Variants in BLMH observed in about 807,000 individuals in gnomAD.
The protein encoded by BLMH is BLM hydrolase.
In BLMH, 32 loss-of-function variants were observed where a neutral mutation model predicts 61.6. The ratio of observed to expected loss-of-function variants is 0.52; its 90% CI spans 0.39 to 0.70. The LOEUF is 0.70. BLMH is among the 30% of genes least tolerant of loss of function. The pLI is 0.00. For synonymous variants in BLMH, 183 were observed against 193.8 expected, an observed-to-expected ratio of 0.94 and a Z score of 0.46; for missense variants, 460 against 555.5, an observed-to-expected ratio of 0.83 and a Z score of 1.73.
At chr17:30,254,961 T>C (rs1484514788) in intron 11 of BLMH, among the ~76,000 whole-genome samples, 1 of 152,244 alleles carries the variant, frequency 6.6e-6, no homozygotes, top group Non-Finnish European at 1.5e-5. Flanking sequence ...TTACTGATAA[T>C]GAAATACATC....
At chr17:30,284,444 G>A (rs956650626) in intron 6 of BLMH, among the ~76,000 whole-genome samples, 1 of 152,138 alleles carries the variant, frequency 6.6e-6, no homozygotes, top group African/African-American at 2.4e-5. Flanking sequence ...TTCCATCGCA[G>A]TGAAAAAAAG....
Position 30,291,459 on chromosome 17 carries a change from G to A in BLMH, c.63C>T (p.Asp21=), listed in dbSNP as rs780308704. The A allele has an allele frequency of 3.7e-6, 6 of 1,614,112 alleles. No homozygotes were observed. In the African/African-American group the frequency reaches 6.7e-5, roughly 18 times the overall value. The change falls in exon 2 of 12, where the codon GAC becomes GAT. Residue 21 remains aspartate (D), a synonymous_variant. Coordinates refer to ENST00000261714, the MANE Select transcript of BLMH (RefSeq NM_000386.4). ...CATTCTGGGCAAGTACGAACTGGGG[G>A]TCGGAATTCAGTTTCTGTATCAGAG... ...VAALIQKLNS[D]PQFVLAQNVG...
At chr17:30,283,607 T>C (rs571942915) in intron 6 of BLMH, among the ~76,000 whole-genome samples, 26 of 150,372 alleles carry the variant, frequency 1.7e-4, no homozygotes, top group Non-Finnish European at 2.4e-4. Flanking sequence ...CTGCAAGCTC[T>C]GCCTCCTGGG....
At chr17:30,285,327 G>A (rs1908696315) in intron 6 of BLMH, 61 bp downstream of exon 6, 7 of 1,157,132 alleles carry the variant, frequency 6.0e-6, no homozygotes, top group Non-Finnish European at 8.8e-6. Context: ...TACTTTAACA[G>A]ATGGGAATAT....
rs192172664 is a variant in BLMH, at chr17:30,254,887, A to G, written c.1217-5719T>C. Among the ~76,000 whole-genome samples, 12 of 152,342 alleles carry G rather than the reference A, an allele frequency of 7.9e-5. No individual in the cohort carries two copies. The East Asian group carries it at 2.3e-3, about 29-fold the overall frequency. On this transcript the variant is annotated intron_variant, in intron 11 of 11. Coordinates refer to ENST00000261714, the MANE Select transcript of BLMH (RefSeq NM_000386.4). ...CCCTTTAATTTCATAAAAATGAGAC[A>G]TCATACATGGTGGTCTTGTATTACA...
chr17:30,290,603 GGTC>G (rs1438974899), intron 2 of BLMH, among the ~76,000 whole-genome samples: 1 of 152,150 alleles, frequency 6.6e-6, no homozygotes, highest in Non-Finnish European at 1.5e-5. Context: ...TAGACTGGGG[GGTC>G]GTTTTTAAGT....
Position 30,291,813 on chromosome 17 carries a change from T to C in BLMH, c.7A>G (p.Ser3Gly), listed in dbSNP as rs1908902740. Residue 3 changes from serine (S) to glycine (G), a missense_variant, in exon 1 of 12, where the codon AGC (serine) becomes GGC (glycine). Transcript: ENST00000261714. Reference protein sequence around the residue: MSSSGLNSEKVAA... With the variant: MSGSGLNSEKVAA... ...GGGGACGGCGGCACCTCACCCGAGC[T>C]GCTCATGGCGCCCACGCTGCCCGGC... The C allele has an allele frequency of 1.5e-6, 2 of 1,373,928 alleles. No individual in the cohort carries two copies. The highest frequency in any genetic ancestry group is 1.9e-6 in the Non-Finnish European group (2 of 1,068,186). The allele number at this position is 1,373,928 out of a possible 1,614,324, so 85.1% of individuals were successfully genotyped here. A position where few individuals can be genotyped will look rare whatever the true frequency, so the allele number is the denominator to read the frequency against.
rs1009826214 is a variant in BLMH at position 30,252,997 on chromosome 17, G to A, written c.1217-3829C>T. ...AACTAAAATACTGCATCCTAAGTGA[G>A]TGCTTCCTGAAAAACTAAGCATCTG... On this transcript the variant is annotated intron_variant, in intron 11 of 11. Coordinates refer to ENST00000261714, the MANE Select transcript of BLMH (RefSeq NM_000386.4). Among the ~76,000 whole-genome samples, 2 of 152,202 alleles carry A rather than the reference G, an allele frequency of 1.3e-5. 1 individual carries two copies. The highest frequency in any genetic ancestry group is 4.1e-4 in the South Asian group (2 of 4,830).
chr17:30,259,317 A>G (rs1415301616), intron 11 of BLMH, among the ~76,000 whole-genome samples: 1 of 152,096 alleles, frequency 6.6e-6, no homozygotes, highest in African/African-American at 2.4e-5. Context: ...CCCCTCCTGA[A>G]GTTTCCAAAA....
chr17:30,276,140 AAAC>A (rs973572954), intron 6 of BLMH, among the ~76,000 whole-genome samples: 10 of 128,140 alleles, frequency 7.8e-5, no homozygotes, highest in African/African-American at 2.1e-4. Flanking sequence ...ATGCTGTCAA[AAAC>A]AACAACAACA....
intron 6 of BLMH, among the ~76,000 whole-genome samples, chr17:30,282,734 T>C (rs890087360): frequency 1.3e-5 from 2 of 152,220 alleles, no homozygotes; most frequent in African/African-American, 4.8e-5. Context: ...TAAGCCATCA[T>C]TTTGACTTGC....
intron 7 of BLMH, chr17:30,273,744 C>A (rs1908343970): frequency 5.1e-6 from 2 of 393,412 alleles, no homozygotes; most frequent in Admixed American, 9.1e-5. Context: ...AACACACTTT[C>A]ATTGTTTTGC....
At chr17:30,256,518 C>T (rs1273497395) in intron 11 of BLMH, among the ~76,000 whole-genome samples, 7 of 151,788 alleles carry the variant, frequency 4.6e-5, no homozygotes, top group Non-Finnish European at 7.4e-5. Flanking sequence ...TTAGTGGAGA[C>T]GGGGTTTCGC....
intron 10 of BLMH, among the ~76,000 whole-genome samples, chr17:30,270,896 G>T (rs980647345): frequency 7.9e-5 from 12 of 152,200 alleles, no homozygotes; most frequent in Admixed American, 7.9e-4. Flanking sequence ...AATGACAAAT[G>T]AAGGGAAATC....
rs978088535 is a variant in BLMH at position 30,287,796 on chromosome 17, G to C, written c.463+10C>G. On this transcript the variant is annotated intron_variant, in intron 4 of 11. Coordinates refer to ENST00000261714, the MANE Select transcript of BLMH (RefSeq NM_000386.4). ...CTGAGTTTCAGTTCCATTAAAGAAA[G>C]AACTTTTACCAACAATATTAACAAG... 6.2e-7 allele frequency: 1 copy of C among 1,613,172 alleles called. No individual in the cohort carries two copies. The highest frequency in any genetic ancestry group is 8.5e-7 in the Non-Finnish European group (1 of 1,179,684).
At chr17:30,264,523 A>G (rs1410799732) in intron 11 of BLMH, among the ~76,000 whole-genome samples, 2 of 152,214 alleles carry the variant, frequency 1.3e-5, no homozygotes, top group Non-Finnish European at 2.9e-5. Context: ...CAAAATAATA[A>G]AGACATTAAC....
intron 1 of BLMH, 141 bp downstream of exon 1, chr17:30,291,666 T>C (rs1908895412): frequency 2.0e-5 from 27 of 1,364,922 alleles, no homozygotes; most frequent in Non-Finnish European, 2.6e-5. Context: ...GCTGTCTCCC[T>C]CCAGGCCGAT....
intron 2 of BLMH, chr17:30,291,070 T>C: frequency 1.8e-6 from 1 of 544,810 alleles, no homozygotes; most frequent in African/African-American, 1.9e-5. Context: ...TCAATTACAC[T>C]CAAACGTATA....
intron 5 of BLMH, among the ~76,000 whole-genome samples, chr17:30,286,289 G>C (rs1413005853): frequency 6.6e-6 from 1 of 152,194 alleles, no homozygotes; most frequent in African/African-American, 2.4e-5. Context: ...GGGAAAACTG[G>C]TTATGTAGAG....
Sources: allele counts gnomAD v4.1 joint callset (sites outside exome capture counted in the v4.1 genomes callset), GRCh38; gene constraint gnomAD v4.1.1; transcripts MANE v1.5; gene names NCBI Gene and HGNC (gene_info 2026-07-23, HGNC 2026-07-21).